SLC26A9: variants seen among roughly 807,000 people sequenced by gnomAD.
SLC26A9 encodes anion transporter/exchanger protein 9.
In SLC26A9, 46 loss-of-function variants were observed where a neutral mutation model predicts 87.1. The ratio of observed to expected loss-of-function variants is 0.53; its 90% CI spans 0.42 to 0.67. SLC26A9 has a LOEUF of 0.67. SLC26A9 is among the 30% of genes least tolerant of loss of function. The pLI is 0.00. For synonymous variants in SLC26A9, 437 were observed against 409.1 expected (o/e 1.07, Z -0.82); for missense variants, 927 against 1,018.3 (o/e 0.91, Z 1.22).
At chr1:205,932,164 C>T in intron 4 of SLC26A9, 129 bp from the exon 5 acceptor site, 1 of 1,073,212 alleles carries the variant, frequency 9.3e-7, no homozygotes, top group South Asian at 1.6e-5. Context: ...TCTTCTCCAA[C>T]ACAATAATAA....
intron 13 of SLC26A9, 112 bp from the exon 14 acceptor site, chr1:205,923,725 C>T (rs1558122121): frequency 3.6e-6 from 4 of 1,108,866 alleles, no homozygotes; most frequent in Non-Finnish European, 5.4e-6. Flanking sequence ...GTCCTGTCCT[C>T]ACCCCCAGAC....
intron 18 of SLC26A9, among the ~76,000 whole-genome samples, chr1:205,919,968 A>G (rs1658756792): frequency 6.6e-6 from 1 of 151,840 alleles, no homozygotes. Flanking sequence ...CCTCACCCCC[A>G]CTCTGTCACT....
chr1:205,924,349 C>T (rs1229481676), intron 13 of SLC26A9, 34 bp downstream of exon 13: 3 of 1,604,460 alleles, frequency 1.9e-6, no homozygotes, highest in African/African-American at 2.7e-5. Context: ...AGGGAACCGA[C>T]TGTGGGCCTA....
At chr1:205,931,730 G>C in intron 5 of SLC26A9, 130 bp downstream of exon 5, 1 of 1,261,932 alleles carries the variant, frequency 7.9e-7, no homozygotes, top group Non-Finnish European at 1.1e-6. Context: ...GCCTCCCAAA[G>C]TGCTGGGATT....
rs1002538061 is a variant in SLC26A9 at position 205,935,752 on chromosome 1, C to T, written c.69G>A (p.Glu23=). ...AAYSLTLFDD[E]FEKKDRTYPV... ...GGTATGTCCGGTCCTTCTTCTCAAA[C>T]TCATCGTCGAAGAGGGTAAGGGAGT... Residue 23 remains glutamate, a synonymous_variant, in exon 2 of 21, where the codon GAG becomes GAA. Transcript: ENST00000367135. 1.2e-6 allele frequency: 2 copies of T among 1,614,110 alleles called. No individual in the cohort carries two copies. The highest frequency in any genetic ancestry group is 1.7e-6 in the Non-Finnish European group (2 of 1,179,972).
At chr1:205,933,113 C>T (rs757338205) in intron 2 of SLC26A9, 29 bp from the exon 3 acceptor site, 22 of 1,613,772 alleles carry the variant, frequency 1.4e-5, no homozygotes, top group African/African-American at 1.2e-4. Flanking sequence ...AATTTCCAGT[C>T]GGCTCTGCAT....
chr1:205,921,163 G>T (rs750601524), intron 17 of SLC26A9, among the ~76,000 whole-genome samples: 1 of 152,240 alleles, frequency 6.6e-6, no homozygotes, highest in Non-Finnish European at 1.5e-5. Context: ...TGGGGCACTG[G>T]TATTATTCCT....
intron 12 of SLC26A9, chr1:205,924,859 C>T (rs753382810): frequency 6.0e-5 from 11 of 184,782 alleles, no homozygotes; most frequent in African/African-American, 9.5e-5. Flanking sequence ...AGTGCAGTGG[C>T]AAGATCAGCT....
At chr1:205,921,455 AG>A (rs984568296) in intron 17 of SLC26A9, 110 bp downstream of exon 17, 14 of 1,369,358 alleles carry the variant, frequency 1.0e-5, no homozygotes, top group Non-Finnish European at 1.2e-5. Context: ...TAGTCTCCCC[AG>A]TGAGCTTCCT....
In SLC26A9 at chr1:205,923,341, G is replaced by A. The variant is rs1197748336; in HGVS notation, c.1653C>T (p.Ile551=). The change falls in exon 15 of 21, where the codon ATC becomes ATT. Residue 551 remains isoleucine, a synonymous_variant. Transcript: ENST00000367135. ...ANSEIFRQKV[I]AKTGMDPQKV... ...GCCAGGGACTGAGCCTTACCTTGGC[G>A]ATGACCTTTTGCCTGAAGATCTCTG... is the stretch of plus-strand genomic sequence containing the variant. The A allele has an allele frequency of 6.8e-6, 11 of 1,614,014 alleles. No individual in the cohort carries two copies. The highest frequency in any genetic ancestry group is 4.0e-5 in the African/African-American group (3 of 74,898).
intron 12 of SLC26A9, among the ~76,000 whole-genome samples, chr1:205,925,116 A>G (rs1009371561): frequency 1.3e-5 from 2 of 152,226 alleles, no homozygotes; most frequent in African/African-American, 4.8e-5. Context: ...TTTAATGGCT[A>G]TGTGAAACAA....
chr1:205,931,742 C>A, intron 5 of SLC26A9, 118 bp downstream of exon 5: 1 of 1,353,122 alleles, frequency 7.4e-7, no homozygotes, highest in Non-Finnish European at 9.9e-7. Context: ...GCTGGGATTA[C>A]AGGCATGAGC....
At chr1:205,930,315 T>C (rs995359359) in intron 5 of SLC26A9, 4 of 321,230 alleles carry the variant, frequency 1.2e-5, no homozygotes, top group Admixed American at 4.6e-5. Flanking sequence ...AAAATAAGTC[T>C]AGTCCTCCCC....
intron 19 of SLC26A9, 51 bp downstream of exon 19, chr1:205,918,788 CT>C: frequency 6.3e-7 from 1 of 1,576,192 alleles, no homozygotes; most frequent in Non-Finnish European, 8.7e-7. Flanking sequence ...CCTCTTGGTC[CT>C]GCTATTTCAG....
intron 7 of SLC26A9, 95 bp from the exon 8 acceptor site, chr1:205,929,004 TC>T: frequency 6.6e-7 from 1 of 1,518,518 alleles, no homozygotes; most frequent in South Asian, 1.1e-5. Context: ...GGACCCTGAA[TC>T]CCACTCCCCT....
At position 205,933,084 on chromosome 1, in the gene SLC26A9, T is replaced by A; in HGVS notation, c.126A>T (p.Arg42Ser). The change falls in exon 3 of 21, where the codon AGA (arginine) becomes AGT (serine). Residue 42 changes from arginine to serine, a missense_variant and splice_region_variant. Transcript: ENST00000367135. ...CAGCTTTGATCTTGGCTGAGGAACA[T>A]CTGGAAGGGAACGGGGAAAATTTCC... ...PVGEKLRNAF[R>S]CSSAKIKAVV... The A allele has an allele frequency of 1.2e-6, 2 of 1,614,190 alleles. No homozygotes were observed. The highest frequency in any genetic ancestry group is 1.7e-6 in the Non-Finnish European group (2 of 1,180,020).
rs771316718 is a variant in SLC26A9 at position 205,921,558 on chromosome 1, G to A, written c.2055+8C>T. On this transcript the variant is annotated splice_region_variant and intron_variant, in intron 17 of 20. Coordinates refer to ENST00000367135, the MANE Select transcript of SLC26A9 (RefSeq NM_052934.4). ...GTGGGTGGTGCTTGCTGTTCCCGAG[G>A]GCCTCACCTTGGCCAGGGCCTTGAT... is the stretch of plus-strand genomic sequence containing the variant. The A allele has an allele frequency of 1.6e-5, 26 of 1,604,274 alleles. No individual in the cohort carries two copies. The Admixed American group carries it at 2.2e-4, about 13-fold the overall frequency.
chr1:205,919,277 C>T (rs547184388), intron 18 of SLC26A9, among the ~76,000 whole-genome samples: 10 of 152,144 alleles, frequency 6.6e-5, no homozygotes, highest in African/African-American at 1.9e-4. Flanking sequence ...TTGAAGAGGC[C>T]GCTGCCAGTT....
chr1:205,918,742 G>A, intron 19 of SLC26A9, 98 bp downstream of exon 19: 1 of 1,434,594 alleles, frequency 7.0e-7, no homozygotes, highest in South Asian at 1.6e-5. Context: ...CTTGATATTG[G>A]AACTTAAACC....
Sources: gnomAD v4.1 joint callset for allele counts (sites outside exome capture counted in the v4.1 genomes callset) on GRCh38, gnomAD v4.1.1 for gene constraint, MANE v1.5 for transcripts, NCBI Gene and HGNC (gene_info 2026-07-23, HGNC 2026-07-21) for gene names.